CNTNAP2: variants seen among roughly 807,000 people sequenced by gnomAD.
The protein encoded by CNTNAP2 is contactin-associated protein-like 2.
Under a neutral mutation model 155.2 loss-of-function variants are expected in CNTNAP2, and 98 were observed. The ratio of observed to expected loss-of-function variants is 0.63; its 90% confidence interval spans 0.54 to 0.75. CNTNAP2 has a LOEUF of 0.75. Among genes scored for constraint, CNTNAP2 ranks in the 30% least tolerant of loss-of-function variants. CNTNAP2 has a pLI of 0.00. For missense variants in CNTNAP2, 1,727 were observed against 1,688.1 expected (o/e 1.02, Z -0.40); for synonymous variants, 651 against 631.2 (o/e 1.03, Z -0.47).
At chr7:147,155,016 G>A (rs954559123) in intron 8 of CNTNAP2, among the ~76,000 whole-genome samples, 1 of 152,126 alleles carries the variant, frequency 6.6e-6, no homozygotes. Flanking sequence ...AGGCTCAAGA[G>A]GAACACTGGA....
chr7:147,323,594 C>T (rs940615421), intron 9 of CNTNAP2, among the ~76,000 whole-genome samples: 231 of 151,478 alleles, frequency 1.5e-3, no homozygotes, highest in Middle Eastern at 6.8e-3. Flanking sequence ...CTATTAGGTC[C>T]GCTTGGTGCA....
chr7:147,975,755 A>C (rs550562161), intron 14 of CNTNAP2, among the ~76,000 whole-genome samples: 2 of 152,168 alleles, frequency 1.3e-5, no homozygotes, highest in African/African-American at 4.8e-5. Context: ...TTCTCAGTAC[A>C]TATTTTTGCC....
At chr7:147,707,638 G>A (rs1273674267) in intron 13 of CNTNAP2, among the ~76,000 whole-genome samples, 1 of 152,230 alleles carries the variant, frequency 6.6e-6, no homozygotes, top group Non-Finnish European at 1.5e-5. Context: ...GGCTTGCCCA[G>A]GTGCTGGTAG....
chr7:146,762,253 A>T (rs1336799046), intron 1 of CNTNAP2, among the ~76,000 whole-genome samples: 1 of 152,176 alleles, frequency 6.6e-6, no homozygotes, highest in Non-Finnish European at 1.5e-5. Context: ...GCAAAATATC[A>T]CATTTTGTCT....
intron 3 of CNTNAP2, among the ~76,000 whole-genome samples, chr7:147,002,016 T>C (rs2129241221): frequency 6.6e-6 from 1 of 151,846 alleles, no homozygotes; most frequent in Admixed American, 6.6e-5. Context: ...AGAAATAAAG[T>C]TGAGAAAGGA....
chr7:148,350,027 G>A (rs753061826), intron 21 of CNTNAP2, among the ~76,000 whole-genome samples: 21 of 152,194 alleles, frequency 1.4e-4, no homozygotes, highest in Non-Finnish European at 2.4e-4. Flanking sequence ...TTTGGCCTCT[G>A]TGGATGATGG....
At chr7:146,360,493 G>A (rs760594958) in intron 1 of CNTNAP2, among the ~76,000 whole-genome samples, 1 of 152,034 alleles carries the variant, frequency 6.6e-6, no homozygotes, top group African/African-American at 2.4e-5. Flanking sequence ...TATCACATGC[G>A]AAATCCAAGT....
chr7:146,747,162 T>A (rs1422684653), intron 1 of CNTNAP2, among the ~76,000 whole-genome samples: 2 of 152,170 alleles, frequency 1.3e-5, no homozygotes, highest in African/African-American at 4.8e-5. Flanking sequence ...GGCTATCTGA[T>A]AATAATCTTT....
intron 3 of CNTNAP2, among the ~76,000 whole-genome samples, chr7:146,935,683 T>C (rs1254531102): frequency 1.3e-5 from 2 of 152,244 alleles, no homozygotes; most frequent in African/African-American, 4.8e-5. Flanking sequence ...ATCGAATTGC[T>C]TTAGATTGCT....
chr7:146,483,318 T>TATATAC (rs1797004224), intron 1 of CNTNAP2, among the ~76,000 whole-genome samples: 1 of 89,010 alleles, frequency 1.1e-5, no homozygotes, highest in South Asian at 3.0e-4. Flanking sequence ...TATATATATA[T>TATATAC]ATATATATAT....
intron 8 of CNTNAP2, among the ~76,000 whole-genome samples, chr7:147,287,320 C>A (rs887686999): frequency 6.6e-6 from 1 of 151,846 alleles, no homozygotes; most frequent in African/African-American, 2.4e-5. Context: ...CAGATATCAT[C>A]GGGGTAATTA....
intron 11 of CNTNAP2, among the ~76,000 whole-genome samples, chr7:147,519,023 CAAAAA>C (rs149054741): frequency 7.8e-5 from 8 of 102,256 alleles, no homozygotes; most frequent in Admixed American, 2.1e-4. Context: ...GACTCTGTCT[CAAAAA>C]AAAAAAAAAA....
At chr7:148,241,345 C>G (rs541061243) in intron 20 of CNTNAP2, among the ~76,000 whole-genome samples, 1 of 152,296 alleles carries the variant, frequency 6.6e-6, no homozygotes, top group South Asian at 2.1e-4. Flanking sequence ...TACCAACAGG[C>G]TCTTTGGGAC....
intron 9 of CNTNAP2, among the ~76,000 whole-genome samples, chr7:147,380,360 C>A (rs1238333840): frequency 2.6e-5 from 4 of 151,982 alleles, no homozygotes; most frequent in Non-Finnish European, 5.9e-5. Context: ...CACGCTTCAT[C>A]AATAAACATG....
At chr7:147,352,507 T>G (rs1007342965) in intron 9 of CNTNAP2, among the ~76,000 whole-genome samples, 1 of 152,044 alleles carries the variant, frequency 6.6e-6, no homozygotes, top group African/African-American at 2.4e-5. Context: ...AGGTTTTTGC[T>G]TTAAAACATT....
chr7:147,234,037 TAAAA>T (rs397791358), intron 8 of CNTNAP2, among the ~76,000 whole-genome samples: 2 of 133,524 alleles, frequency 1.5e-5, no homozygotes, highest in Non-Finnish European at 1.6e-5. Context: ...CTATCCACAG[TAAAA>T]AAAAAAAAAA....
intron 1 of CNTNAP2, among the ~76,000 whole-genome samples, chr7:146,679,425 G>A (rs1195623493): frequency 6.7e-5 from 9 of 134,568 alleles, no homozygotes; most frequent in Non-Finnish European, 1.2e-4. Context: ...GCTCGATCTC[G>A]GCTCACTGCA....
chr7:146,794,683 T>G (rs1321460375), intron 2 of CNTNAP2, among the ~76,000 whole-genome samples: 2 of 152,134 alleles, frequency 1.3e-5, no homozygotes, highest in African/African-American at 4.8e-5. Context: ...TCTAACTGTG[T>G]TTTTTCATAA....
intron 19 of CNTNAP2, among the ~76,000 whole-genome samples, chr7:148,227,118 C>T (rs1443158366): frequency 3.9e-5 from 6 of 152,106 alleles, no homozygotes; most frequent in African/African-American, 1.4e-4. Flanking sequence ...TAAGGTGCCC[C>T]AAAACGAGGG....
Sources: gnomAD v4.1 joint callset for allele counts (sites outside exome capture counted in the v4.1 genomes callset) on GRCh38, gnomAD v4.1.1 for gene constraint, MANE v1.5 for transcripts, NCBI Gene and HGNC (gene_info 2026-07-23, HGNC 2026-07-21) for gene names.